The following FHL5 variants were observed in gnomAD, a reference collection of about 807,000 sequenced individuals.
FHL5 encodes the protein four and a half LIM domains 5.
FHL5 carries 33 observed loss-of-function variants against 32.0 expected under a neutral mutation model. The observed-to-expected ratio is 1.03, with a 90% CI of 0.78 to 1.38. The LOEUF (loss-of-function observed/expected upper bound fraction) is 1.38. FHL5 is among the 40% of genes most tolerant of loss of function. The pLI is 0.00. For missense variants in FHL5, 336 were observed against 343.9 expected (o/e 0.98, Z 0.18); for synonymous variants, 114 against 113.6 (o/e 1.00, Z -0.02).
intron 1 of FHL5, among the ~76,000 whole-genome samples, chr6:96,571,683 TG>T (rs1004083543): frequency 1.3e-5 from 2 of 152,108 alleles, no homozygotes; most frequent in African/African-American, 4.8e-5. Context: ...ATTCTACCCC[TG>T]GGGGGCAGGG....
chr6:96,618,596 T>C lies in FHL5; in HGVS notation c.*2824T>C, dbSNP rs1015320867. On this transcript the variant is annotated 3_prime_UTR_variant, in exon 6 of 6. Transcript: ENST00000450218. Reference sequence around the variant, plus strand: ...AGGATTAAGTTTCTTACTGAAGGAATAAGTTTGGTTAATGGCTACAAAAGT... The same window carrying C: ...AGGATTAAGTTTCTTACTGAAGGAACAAGTTTGGTTAATGGCTACAAAAGT... 6.6e-6 allele frequency among the ~76,000 whole-genome samples: 1 copy of C among 152,172 alleles called. No individual in the cohort carries two copies. The highest frequency in any genetic ancestry group is 2.4e-5 in the African/African-American group (1 of 41,448).
At chr6:96,592,359 G>A (rs1021799044) in intron 1 of FHL5, among the ~76,000 whole-genome samples, 6 of 152,274 alleles carry the variant, frequency 3.9e-5, no homozygotes, top group South Asian at 2.1e-4. Flanking sequence ...AGAGAAATAC[G>A]GCTCTGTTCC....
At chr6:96,573,025 TAGAA>T (rs902421321) in intron 1 of FHL5, among the ~76,000 whole-genome samples, 2 of 151,470 alleles carry the variant, frequency 1.3e-5, no homozygotes, top group Non-Finnish European at 2.9e-5. Flanking sequence ...TTAATACTTT[TAGAA>T]AGAAGATTAA....
chr6:96,585,029 G>A (rs1770770922), intron 1 of FHL5, among the ~76,000 whole-genome samples: 2 of 152,202 alleles, frequency 1.3e-5, no homozygotes, highest in East Asian at 1.9e-4. Context: ...GTCAGGCTTC[G>A]AAAATCCTAC....
At position 96,579,476 on chromosome 6, in the gene FHL5, T is replaced by C. The variant is rs113290840; in HGVS notation, c.-13+16121T>C. ...ATAGTTTTAAAGACATTTCAATATG[T>C]ACTATACTATTGTATTAGATAGTAC... On this transcript the variant is annotated intron_variant, in intron 1 of 5. Coordinates refer to ENST00000450218, the MANE Select transcript of FHL5 (RefSeq NM_001322466.2). 3.5e-3 allele frequency among the ~76,000 whole-genome samples: 534 copies of C among 152,358 alleles called. 3 individuals carry two copies. Among genetic ancestry groups the C allele is most frequent in the African/African-American group, 0.012 (497 of 41,586 alleles).
At position 96,617,397 on chromosome 6, in the gene FHL5, T is replaced by G. The variant is rs1317853362; in HGVS notation, c.*1625T>G. On this transcript the variant is annotated 3_prime_UTR_variant, in exon 6 of 6. Coordinates refer to ENST00000450218, the MANE Select transcript of FHL5 (RefSeq NM_001322466.2). ...TCAATTAAAATTGTTATGGAAATAA[T>G]TTTTGAAATAGTTTAAAATGCAAGA... Among the ~76,000 whole-genome samples, 2 of 152,230 alleles carry G rather than the reference T, an allele frequency of 1.3e-5. No homozygotes were observed. The highest frequency in any genetic ancestry group is 2.9e-5 in the Non-Finnish European group (2 of 68,038).
At chr6:96,577,499 T>C (rs1770608064) in intron 1 of FHL5, among the ~76,000 whole-genome samples, 1 of 152,092 alleles carries the variant, frequency 6.6e-6, no homozygotes, top group Non-Finnish European at 1.5e-5. Flanking sequence ...ACTAACCTCA[T>C]TTTATCAGAT....
intron 4 of FHL5, among the ~76,000 whole-genome samples, chr6:96,606,509 G>A (rs139419842): frequency 0.025 from 3,796 of 152,012 alleles, 52 homozygotes; most frequent in Non-Finnish European, 0.03. Flanking sequence ...GTGCCACTGT[G>A]TCCAGCTAAT....
chr6:96,576,332 A>T (rs995855099), intron 1 of FHL5, among the ~76,000 whole-genome samples: 1 of 152,220 alleles, frequency 6.6e-6, no homozygotes, highest in Non-Finnish European at 1.5e-5. Flanking sequence ...GCTGGCAAAC[A>T]TAGTATCTTC....
intron 3 of FHL5, among the ~76,000 whole-genome samples, chr6:96,605,387 G>C (rs1771253026): frequency 6.6e-6 from 1 of 152,142 alleles, no homozygotes; most frequent in Admixed American, 6.6e-5. Flanking sequence ...CTTTTGGCAA[G>C]GACTAATTCT....
intron 1 of FHL5, among the ~76,000 whole-genome samples, chr6:96,584,345 G>A (rs1158560519): frequency 6.6e-6 from 1 of 152,004 alleles, no homozygotes; most frequent in Non-Finnish European, 1.5e-5. Context: ...AATAGAAGAG[G>A]AGTCATGTGT....
rs1017499981 is a variant in FHL5, at chr6:96,615,903, C to T, written c.*131C>T. 1.4e-6 allele frequency: 1 copy of T among 695,966 alleles called. No individual in the cohort carries two copies. The highest frequency in any genetic ancestry group is 3.3e-5 in the Admixed American group (1 of 30,006). The allele number at this position is 695,966 out of a possible 1,614,324, so 43.1% of individuals were successfully genotyped here. A position where few individuals can be genotyped will look rare whatever the true frequency, so the allele number is the denominator to read the frequency against. Reference sequence around the variant, plus strand: ...AGTTTAGAGTGGAAAAGTTTTTGCACACATTTTGATCGAACTATATTCTAA... The same window carrying T: ...AGTTTAGAGTGGAAAAGTTTTTGCATACATTTTGATCGAACTATATTCTAA... On this transcript the variant is annotated 3_prime_UTR_variant, in exon 6 of 6. Coordinates refer to ENST00000450218, the MANE Select transcript of FHL5 (RefSeq NM_001322466.2).
intron 5 of FHL5, among the ~76,000 whole-genome samples, chr6:96,613,026 T>C (rs1453986016): frequency 6.6e-6 from 1 of 152,190 alleles, no homozygotes; most frequent in Non-Finnish European, 1.5e-5. Context: ...AATTTCAAGA[T>C]CTATTGTACA....
At chr6:96,574,564 G>A (rs1195471794) in intron 1 of FHL5, among the ~76,000 whole-genome samples, 3 of 152,058 alleles carry the variant, frequency 2.0e-5, no homozygotes, top group Non-Finnish European at 4.4e-5. Flanking sequence ...ACAAAAACAG[G>A]CAGTGGCTAG....
At chr6:96,580,476 A>T (rs1294052050) in intron 1 of FHL5, among the ~76,000 whole-genome samples, 1 of 152,228 alleles carries the variant, frequency 6.6e-6, no homozygotes, top group African/African-American at 2.4e-5. Context: ...TAAACATATC[A>T]TAATAATACA....
rs1215018325 is a variant in FHL5, at chr6:96,604,787, G to T, written c.197G>T (p.Cys66Phe). ...CYKDRHWHEG[C>F]FKCTKCNHSL... ...AAAGACCGGCACTGGCATGAAGGATGCTTCAAGTGCACCAAATGCAATCAC... is the reference window on the plus strand; with the variant it reads ...AAAGACCGGCACTGGCATGAAGGATTCTTCAAGTGCACCAAATGCAATCAC... The change falls in exon 3 of 6, where the codon TGC becomes TTC. Residue 66 changes from cysteine to phenylalanine, a missense_variant. Transcript: ENST00000450218. The T allele has an allele frequency of 5.0e-6, 8 of 1,613,780 alleles. No homozygotes were observed. Among genetic ancestry groups the T allele is most frequent in the Non-Finnish European group, 6.8e-6 (8 of 1,179,866 alleles).
chr6:96,593,778 G>A (rs1770970482), intron 1 of FHL5, among the ~76,000 whole-genome samples: 1 of 151,910 alleles, frequency 6.6e-6, no homozygotes, highest in Non-Finnish European at 1.5e-5. Flanking sequence ...CCTTCCTTTG[G>A]ACTTTGCCTA....
chr6:96,599,068 A>G (rs891415100), intron 1 of FHL5, among the ~76,000 whole-genome samples: 26 of 152,280 alleles, frequency 1.7e-4, no homozygotes, highest in Admixed American at 1.3e-3. Context: ...AAGTGGATAT[A>G]TTACTCATAG....
chr6:96,589,324 C>T (rs1296905374), intron 1 of FHL5, among the ~76,000 whole-genome samples: 1 of 152,024 alleles, frequency 6.6e-6, no homozygotes, highest in Non-Finnish European at 1.5e-5. Flanking sequence ...GTACAATTTC[C>T]ATTGCTTTTG....
Sources: allele counts gnomAD v4.1 joint callset (sites outside exome capture counted in the v4.1 genomes callset), GRCh38; gene constraint gnomAD v4.1.1; transcripts MANE v1.5; gene names NCBI Gene and HGNC (gene_info 2026-07-23, HGNC 2026-07-21).